CTNNBL1: variants seen among roughly 807,000 people sequenced by gnomAD.
CTNNBL1 encodes the protein catenin beta like 1, also known as beta-catenin-like protein 1.
In CTNNBL1, 31 loss-of-function variants were observed where a neutral mutation model predicts 72.7. That is an observed-to-expected ratio of 0.43 (90% CI 0.32 to 0.58). The LOEUF is 0.58. CTNNBL1 is among the 20% of genes least tolerant of loss of function. The pLI, the probability that CTNNBL1 is intolerant of heterozygous loss-of-function variation, is 0.08. For synonymous variants in CTNNBL1, 240 were observed against 267.3 expected (o/e 0.90, Z 1.00); for missense variants, 534 against 725.1 (o/e 0.74, Z 3.03).
chr20:37,842,322 T>G lies in CTNNBL1; in HGVS notation c.1312-17T>G. On this transcript the variant is annotated splice_polypyrimidine_tract_variant and intron_variant, in intron 12 of 15. Transcript: ENST00000361383. ...TGTCTTTCCTTCTCACTCAAGCCTG[T>G]GAAATCTCTCTTTCAGGTTGACAGA... 3.8e-6 allele frequency: 6 copies of G among 1,583,588 alleles called. No individual in the cohort carries two copies. Among genetic ancestry groups the G allele is most frequent in the South Asian group, 1.1e-5 (1 of 90,450 alleles).
intron 4 of CTNNBL1, among the ~76,000 whole-genome samples, chr20:37,754,013 A>T (rs768741996): frequency 2.0e-5 from 3 of 152,190 alleles, no homozygotes; most frequent in Non-Finnish European, 4.4e-5. Context: ...TAATTTTGGG[A>T]CCATGTGAGG....
intron 1 of CTNNBL1, among the ~76,000 whole-genome samples, chr20:37,698,598 C>T (rs141686169): frequency 1.6e-4 from 24 of 152,344 alleles, no homozygotes; most frequent in African/African-American, 5.8e-4. Flanking sequence ...TTATTTCCAA[C>T]TCTGTACATT....
intron 11 of CTNNBL1, among the ~76,000 whole-genome samples, chr20:37,824,672 T>C (rs2072142432): frequency 1.3e-5 from 2 of 152,338 alleles, no homozygotes; most frequent in African/African-American, 4.8e-5. Context: ...GGCAGCTTCG[T>C]GGTGTCATTG....
intron 1 of CTNNBL1, among the ~76,000 whole-genome samples, chr20:37,731,832 G>A (rs2073131563): frequency 6.6e-6 from 1 of 152,142 alleles, no homozygotes; most frequent in Non-Finnish European, 1.5e-5. Flanking sequence ...CGGACACATA[G>A]GTTGCTTCCA....
chr20:37,822,403 G>A (rs899898072), intron 11 of CTNNBL1, among the ~76,000 whole-genome samples: 2 of 152,218 alleles, frequency 1.3e-5, no homozygotes, highest in Non-Finnish European at 2.9e-5. Context: ...GGGCTGGAGA[G>A]CTCTTTCCTT....
intron 10 of CTNNBL1, among the ~76,000 whole-genome samples, chr20:37,796,768 TCTA>T (rs1334192778): frequency 1.3e-5 from 2 of 152,224 alleles, no homozygotes; most frequent in African/African-American, 4.8e-5. Flanking sequence ...GAAGCTCAGC[TCTA>T]CACCTTCTTT....
At chr20:37,777,305 A>G in intron 7 of CTNNBL1, 40 bp from the exon 8 acceptor site, 1 of 1,507,470 alleles carries the variant, frequency 6.6e-7, no homozygotes, top group Non-Finnish European at 9.2e-7. Context: ...AGGAAGCAAG[A>G]CCCCTTAACA....
intron 10 of CTNNBL1, among the ~76,000 whole-genome samples, chr20:37,790,356 C>T (rs1441498632): frequency 6.6e-6 from 1 of 152,062 alleles, no homozygotes; most frequent in Non-Finnish European, 1.5e-5. Flanking sequence ...AGAGTCTTTT[C>T]TTCTAACCTC....
intron 10 of CTNNBL1, among the ~76,000 whole-genome samples, chr20:37,796,375 G>A (rs1568784678): frequency 6.6e-6 from 1 of 152,000 alleles, no homozygotes; most frequent in Admixed American, 6.5e-5. Flanking sequence ...AACTTTCCAG[G>A]CAGTCAGTTG....
chr20:37,781,637 A>G (rs2073626446), intron 10 of CTNNBL1, among the ~76,000 whole-genome samples: 3 of 152,132 alleles, frequency 2.0e-5, no homozygotes, highest in Admixed American at 2.0e-4. Context: ...ATTTTTCTTC[A>G]GACTCCCAAA....
intron 13 of CTNNBL1, among the ~76,000 whole-genome samples, chr20:37,849,153 A>G (rs942405985): frequency 3.3e-5 from 5 of 152,106 alleles, no homozygotes; most frequent in Non-Finnish European, 5.9e-5. Context: ...TCAGGCTACC[A>G]TCATTTGTTT....
At chr20:37,720,530 G>A (rs1221626966) in intron 1 of CTNNBL1, among the ~76,000 whole-genome samples, 2 of 152,140 alleles carry the variant, frequency 1.3e-5, no homozygotes, top group Admixed American at 1.3e-4. Context: ...AAAGGTGGTG[G>A]TAAATTATTG....
At chr20:37,730,479 A>G (rs2073119463) in intron 1 of CTNNBL1, among the ~76,000 whole-genome samples, 1 of 152,224 alleles carries the variant, frequency 6.6e-6, no homozygotes, top group Non-Finnish European at 1.5e-5. Context: ...GTCCATTTAC[A>G]GATGAGGAAA....
intron 2 of CTNNBL1, among the ~76,000 whole-genome samples, chr20:37,733,643 A>G (rs1568756008): frequency 6.6e-6 from 1 of 152,006 alleles, no homozygotes; most frequent in Non-Finnish European, 1.5e-5. Flanking sequence ...AATGCTTTGT[A>G]TGACTGGTTT....
intron 1 of CTNNBL1, among the ~76,000 whole-genome samples, chr20:37,706,697 G>T (rs1402381313): frequency 6.6e-6 from 1 of 152,098 alleles, no homozygotes; most frequent in African/African-American, 2.4e-5. Context: ...TTAATATATT[G>T]TCCTCCTCCC....
chr20:37,795,255 TCCCACCTCAG>T (rs1175406788), intron 10 of CTNNBL1, among the ~76,000 whole-genome samples: 1 of 151,922 alleles, frequency 6.6e-6, no homozygotes. Flanking sequence ...CAAATGATCC[TCCCACCTCAG>T]CCTTCCAAGT....
chr20:37,823,547 G>A (rs1056785531), intron 11 of CTNNBL1, among the ~76,000 whole-genome samples: 7 of 152,160 alleles, frequency 4.6e-5, no homozygotes, highest in African/African-American at 1.7e-4. Context: ...GGAGGAGGGA[G>A]CGGCTGTTTG....
At chr20:37,856,823 TC>T (rs1838558213) in intron 13 of CTNNBL1, among the ~76,000 whole-genome samples, 1 of 152,150 alleles carries the variant, frequency 6.6e-6, no homozygotes, top group East Asian at 1.9e-4. Flanking sequence ...GTTTGTGACT[TC>T]CACCGACCTC....
intron 1 of CTNNBL1, among the ~76,000 whole-genome samples, chr20:37,715,835 C>T (rs1180893978): frequency 6.6e-6 from 1 of 152,180 alleles, no homozygotes. Context: ...TGTAAATTGA[C>T]AGCTAATGGG....
Sources: allele counts gnomAD v4.1 joint callset (sites outside exome capture counted in the v4.1 genomes callset), GRCh38; gene constraint gnomAD v4.1.1; transcripts MANE v1.5; gene names NCBI Gene and HGNC (gene_info 2026-07-23, HGNC 2026-07-21).